The following PER3 variants were observed in gnomAD, a reference collection of about 807,000 sequenced individuals.
PER3 encodes period circadian regulator 3.
In PER3, 107 loss-of-function variants were observed where a neutral mutation model predicts 127.2. The ratio of observed to expected loss-of-function variants is 0.84; its 90% CI spans 0.72 to 0.99. PER3 has a LOEUF of 0.99. Among genes scored for constraint, PER3 ranks in the 50% least tolerant of loss-of-function variants. The pLI, the probability that PER3 is intolerant of heterozygous loss-of-function variation, is 0.00. For synonymous variants in PER3, 618 were observed against 585.8 expected, an observed-to-expected ratio of 1.05 and a Z score of -0.79; for missense variants, 1,560 against 1,525.8, an observed-to-expected ratio of 1.02 and a Z score of -0.37.
In PER3 at chr1:7,843,868, A is replaced by T. The variant is rs546085251; in HGVS notation, c.*1113A>T. On this transcript the variant is annotated 3_prime_UTR_variant, in exon 22 of 22. Transcript: ENST00000377532. ...AGAAGTGAGTGTGATTGTTTACTTGATAAATCAGCTCACTCTCTGGTGCTT... is the reference window on the plus strand; with the variant it reads ...AGAAGTGAGTGTGATTGTTTACTTGTTAAATCAGCTCACTCTCTGGTGCTT... 8.2e-7 allele frequency: 1 copy of T among 1,222,246 alleles called. No homozygotes were observed. The highest frequency in any genetic ancestry group is 3.4e-5 in the Admixed American group (1 of 29,688). The allele number at this position is 1,222,246 out of a possible 1,614,324, so 75.7% of individuals were successfully genotyped here.
chr1:7,807,754 G>A (rs530438551), intron 10 of PER3, among the ~76,000 whole-genome samples: 22 of 152,318 alleles, frequency 1.4e-4, no homozygotes, highest in African/African-American at 5.1e-4. Flanking sequence ...CCCACAGGCA[G>A]TACAGTGTGG....
At chr1:7,802,917 T>G in intron 8 of PER3, 130 bp from the exon 9 acceptor site, 1 of 676,402 alleles carries the variant, frequency 1.5e-6, no homozygotes, top group Middle Eastern at 3.4e-4. Flanking sequence ...TTTGCTGTTT[T>G]TATAAATGCT....
intron 5 of PER3, among the ~76,000 whole-genome samples, chr1:7,791,728 G>T (rs539360256): frequency 2.0e-5 from 3 of 151,984 alleles, no homozygotes; most frequent in Non-Finnish European, 4.4e-5. Flanking sequence ...AATTTCTTCC[G>T]TCAGATACCT....
At chr1:7,794,572 C>A (rs887843926) in intron 6 of PER3, among the ~76,000 whole-genome samples, 1 of 152,142 alleles carries the variant, frequency 6.6e-6, no homozygotes, top group Non-Finnish European at 1.5e-5. Flanking sequence ...GTATAAGAAT[C>A]ACTAGATGTG....
chr1:7,835,740 A>G, intron 19 of PER3, 22 bp from the exon 20 acceptor site: 4 of 1,561,584 alleles, frequency 2.6e-6, no homozygotes, highest in Non-Finnish European at 3.5e-6. Context: ...TTTTCTAATT[A>G]TGTGTTGTTG....
At chr1:7,801,235 A>C in intron 8 of PER3, 44 bp downstream of exon 8, 2 of 1,062,462 alleles carry the variant, frequency 1.9e-6, no homozygotes, top group Non-Finnish European at 2.9e-6. Flanking sequence ...TTCTGAAAAT[A>C]AATATAAATG....
At chr1:7,807,066 T>C (rs375961237) in intron 10 of PER3, among the ~76,000 whole-genome samples, 1 of 152,052 alleles carries the variant, frequency 6.6e-6, no homozygotes, top group East Asian at 1.9e-4. Flanking sequence ...AAATATGTAG[T>C]GGGTGCCTGC....
chr1:7,819,791 GA>G, intron 14 of PER3, among the ~76,000 whole-genome samples: 1 of 109,390 alleles, frequency 9.1e-6, no homozygotes, highest in Non-Finnish European at 1.8e-5. Flanking sequence ...TTTTTTGTGT[GA>G]TTTTTTTTTT....
At chr1:7,825,679 G>A (rs765718757) in intron 16 of PER3, among the ~76,000 whole-genome samples, 7 of 152,166 alleles carry the variant, frequency 4.6e-5, no homozygotes, top group African/African-American at 1.7e-4. Flanking sequence ...ATCACCTGAG[G>A]TCAAGAGTTT....
Position 7,842,649 on chromosome 1 carries a change from G to T in PER3, c.3550-23G>T, listed in dbSNP as rs369414272. On this transcript the variant is annotated intron_variant, in intron 21 of 21. Transcript: ENST00000377532. ...AGGTGACATTGACATCAAGTAACTC[G>T]CCTGCTTTGTTCTTTTTTGGAGGCC... 11 of 1,611,344 alleles carry T rather than the reference G, an allele frequency of 6.8e-6. No homozygotes were observed. In the African/African-American group the frequency reaches 1.2e-4, roughly 18 times the overall value.
chr1:7,843,979 A>G lies in PER3; in HGVS notation c.*1224A>G. On this transcript the variant is annotated 3_prime_UTR_variant, in exon 22 of 22. Coordinates refer to ENST00000377532, the MANE Select transcript of PER3 (RefSeq NM_001377275.1). The stretch of plus-strand genomic sequence containing the variant: ...CAGATCAGAAAAAACAAATAGAAGA[A>G]AATGAGGGTTACAGTAACCTGTTGT... 1 of 1,270,050 alleles carries G rather than the reference A, an allele frequency of 7.9e-7. No homozygotes were observed. The highest frequency in any genetic ancestry group is 1.0e-6 in the Non-Finnish European group (1 of 973,492). The allele number at this position is 1,270,050 out of a possible 1,614,324, so 78.7% of individuals were successfully genotyped here.
intron 6 of PER3, 32 bp from the exon 7 acceptor site, chr1:7,798,493 A>C (rs911343189): frequency 6.3e-7 from 1 of 1,588,018 alleles, no homozygotes; most frequent in African/African-American, 1.3e-5. Context: ...AGGGTGCGTC[A>C]GGACCAGCAC....
In PER3 at chr1:7,798,457, C is replaced by T. The variant is rs1421435993; in HGVS notation, c.645-68C>T. The T allele has an allele frequency of 1.9e-5, 23 of 1,214,762 alleles. No homozygotes were observed. In the Admixed American group the frequency reaches 3.0e-4, roughly 16 times the overall value. The allele number at this position is 1,214,762 out of a possible 1,614,324, so 75.2% of individuals were successfully genotyped here. A position where few individuals can be genotyped will look rare whatever the true frequency, so the allele number is the denominator to read the frequency against. ...GGAAATTACCAATAAAATATTTCTCCCAGCCTTGTTTCGCCATGGGCCAGT... is the reference window on the plus strand; with the variant it reads ...GGAAATTACCAATAAAATATTTCTCTCAGCCTTGTTTCGCCATGGGCCAGT... On this transcript the variant is annotated intron_variant, in intron 6 of 21. Transcript: ENST00000377532.
intron 5 of PER3, among the ~76,000 whole-genome samples, chr1:7,788,924 A>T (rs79275041): frequency 5.2e-4 from 77 of 147,616 alleles, no homozygotes; most frequent in Middle Eastern, 3.6e-3. Context: ...AAAAAAAAAA[A>T]TTCAGATCAT....
At chr1:7,814,223 C>G (rs946713325) in intron 13 of PER3, among the ~76,000 whole-genome samples, 2 of 151,818 alleles carry the variant, frequency 1.3e-5, no homozygotes, top group Admixed American at 1.3e-4. Context: ...GAAGAAATAA[C>G]AGTCAGGAAT....
intron 5 of PER3, among the ~76,000 whole-genome samples, chr1:7,788,756 T>C (rs1391304031): frequency 6.6e-6 from 1 of 151,898 alleles, no homozygotes; most frequent in African/African-American, 2.4e-5. Flanking sequence ...GTACAAAAAT[T>C]AGTCAGGCAT....
chr1:7,811,070 A>C (rs1019685056), intron 13 of PER3, among the ~76,000 whole-genome samples: 1 of 152,244 alleles, frequency 6.6e-6, no homozygotes, highest in African/African-American at 2.4e-5. Context: ...GCACTCAAAA[A>C]GAGCTGGATC....
chr1:7,819,487 C>T (rs2097266034), intron 14 of PER3, 67 bp downstream of exon 14: 20 of 1,438,968 alleles, frequency 1.4e-5, no homozygotes, highest in Non-Finnish European at 1.9e-5. Flanking sequence ...ACTGTAGAGA[C>T]TTCATAGAAT....
chr1:7,801,199 C>T lies in PER3; in HGVS notation c.872+8C>T, dbSNP rs906200715. 9 of 1,459,314 alleles carry T rather than the reference C, an allele frequency of 6.2e-6. No homozygotes were observed. The highest frequency in any genetic ancestry group is 3.8e-5 in the Admixed American group (2 of 53,152). 90.4% of individuals were successfully genotyped at this position (1,459,314 alleles called of 1,614,324 possible). A position where few individuals can be genotyped will look rare whatever the true frequency, so the allele number is the denominator to read the frequency against. On this transcript the variant is annotated splice_region_variant and intron_variant, in intron 8 of 21. Transcript: ENST00000377532. Reference sequence around the variant, plus strand: ...TCTTGAAGTAGATGAAAAGTAAGTACTTCTTTAAGCCTAAAAGAAATTTGT... The same window carrying T: ...TCTTGAAGTAGATGAAAAGTAAGTATTTCTTTAAGCCTAAAAGAAATTTGT...
Sources: gnomAD v4.1 joint callset for allele counts (sites outside exome capture counted in the v4.1 genomes callset) on GRCh38, gnomAD v4.1.1 for gene constraint, MANE v1.5 for transcripts, NCBI Gene and HGNC (gene_info 2026-07-23, HGNC 2026-07-21) for gene names.